Variants in NLRC4 observed in about 807,000 individuals in gnomAD.
The protein encoded by NLRC4 is NLR family CARD domain containing 4.
NLRC4 carries 63 observed loss-of-function variants against 79.9 expected under a neutral mutation model. That is an observed-to-expected ratio of 0.79 (90% CI 0.64 to 0.97). The LOEUF (loss-of-function observed/expected upper bound fraction) is 0.97, where lower values mean the gene tolerates loss of function less well. Among genes scored for constraint, NLRC4 ranks in the 50% least tolerant of loss-of-function variants. The pLI, the probability that NLRC4 is intolerant of heterozygous loss-of-function variation, is 0.00. For missense variants in NLRC4, 1,074 were observed against 1,215.2 expected (o/e 0.88, Z 1.73); for synonymous variants, 461 against 456.5 (o/e 1.01, Z -0.12).
intron 1 of NLRC4, among the ~76,000 whole-genome samples, chr2:32,260,498 A>G (rs1687318269): frequency 6.6e-6 from 1 of 152,190 alleles, no homozygotes; most frequent in Admixed American, 6.5e-5. Flanking sequence ...TGTGAGAGTG[A>G]TAAGTGAGGA....
At chr2:32,236,408 TA>T in intron 6 of NLRC4, 69 bp from the exon 7 acceptor site, 1 of 876,796 alleles carries the variant, frequency 1.1e-6, no homozygotes, top group Admixed American at 3.3e-5. Context: ...GAAGTATCCT[TA>T]GAATAATTCT....
intron 4 of NLRC4, among the ~76,000 whole-genome samples, chr2:32,247,523 AG>A (rs1381138237): frequency 4.0e-5 from 6 of 151,712 alleles, no homozygotes; most frequent in African/African-American, 1.4e-4. Context: ...CATGTTGGTC[AG>A]GCTGGTCTTG....
intron 8 of NLRC4, among the ~76,000 whole-genome samples, chr2:32,228,791 C>T (rs1490607873): frequency 2.7e-5 from 4 of 150,900 alleles, no homozygotes; most frequent in African/African-American, 9.8e-5. Flanking sequence ...TTTTTTGAGA[C>T]AGGTTCTGGC....
At chr2:32,258,924 G>C (rs973792139) in intron 1 of NLRC4, among the ~76,000 whole-genome samples, 3 of 152,142 alleles carry the variant, frequency 2.0e-5, no homozygotes, top group African/African-American at 7.2e-5. Context: ...AAGATGCAAA[G>C]TCTGAATTAA....
In NLRC4 at chr2:32,241,894, C is replaced by T. The variant is rs1458616522; in HGVS notation, c.2258-769G>A. The stretch of plus-strand genomic sequence containing the variant: ...GCTTACAGGGACATTTACAGTATTG[C>T]ATACTTATATTAGAAATGAGGAAAG... On this transcript the variant is annotated intron_variant, in intron 4 of 8. Coordinates refer to ENST00000402280, the MANE Select transcript of NLRC4 (RefSeq NM_001199138.2). 2.0e-5 allele frequency among the ~76,000 whole-genome samples: 3 copies of T among 152,048 alleles called. No homozygotes were observed. In the East Asian group the frequency reaches 5.8e-4, roughly 29 times the overall value.
intron 4 of NLRC4, among the ~76,000 whole-genome samples, chr2:32,247,662 C>CTATG (rs1686969266): frequency 6.6e-6 from 1 of 151,822 alleles, no homozygotes; most frequent in Non-Finnish European, 1.5e-5. Flanking sequence ...ATATATGTAT[C>CTATG]TATGTATGTA....
intron 8 of NLRC4, among the ~76,000 whole-genome samples, chr2:32,234,531 A>C (rs1686628083): frequency 6.6e-6 from 1 of 152,222 alleles, no homozygotes; most frequent in African/African-American, 2.4e-5. Context: ...TTCCAAGTTG[A>C]ACCTGATGAG....
chr2:32,250,574 A>G lies in NLRC4; in HGVS notation c.1290T>C (p.Tyr430=), dbSNP rs769791090. The G allele has an allele frequency of 1.2e-6, 2 of 1,614,166 alleles. No homozygotes were observed. Among genetic ancestry groups the G allele is most frequent in the Non-Finnish European group, 1.7e-6 (2 of 1,180,026 alleles). The stretch of plus-strand genomic sequence containing the variant: ...ACTTTGGCTTGAACCTTTGAGCTGT[A>G]TATTTACAGAGGAGCCCAGTTGTCA... ...VLLTTGLLCK[Y]TAQRFKPKYK... Residue 430 remains tyrosine (Y), a synonymous_variant, in exon 4 of 9, where the codon TAT becomes TAC. Transcript: ENST00000402280. The surrounding 1 kb of genome is among the most constrained non-coding windows in gnomAD (Gnocchi z 4.9).
rs1459385148 is a variant in NLRC4 at position 32,251,112 on chromosome 2, T to C, written c.752A>G (p.Asn251Ser). 2 of 1,614,200 alleles carry C rather than the reference T, an allele frequency of 1.2e-6. No individual in the cohort carries two copies. Among genetic ancestry groups the C allele is most frequent in the Non-Finnish European group, 1.7e-6 (2 of 1,180,034 alleles). The change falls in exon 4 of 9, where the codon AAT (asparagine) becomes AGT (serine). Residue 251 changes from asparagine to serine, a missense_variant. Transcript: ENST00000402280. ...TGGGCAGTTCTGGGGCTTGAATTCA[T>C]TGTAGCCATCAAGAAGGAAAAGAAC... ...QRVLFLLDGY[N>S]EFKPQNCPEI...
intron 4 of NLRC4, among the ~76,000 whole-genome samples, chr2:32,243,729 C>T (rs977131079): frequency 1.1e-4 from 16 of 147,644 alleles, no homozygotes; most frequent in Admixed American, 8.3e-4. Context: ...ACCCAGGAGG[C>T]GGCGGTTGCA....
chr2:32,244,111 G>A (rs1686873827), intron 4 of NLRC4, among the ~76,000 whole-genome samples: 1 of 152,104 alleles, frequency 6.6e-6, no homozygotes, highest in African/African-American at 2.4e-5. Context: ...TTAACCAGAT[G>A]TGATAGTTCA....
At chr2:32,256,557 T>G (rs527896239) in intron 2 of NLRC4, among the ~76,000 whole-genome samples, 1 of 152,368 alleles carries the variant, frequency 6.6e-6, no homozygotes, top group Non-Finnish European at 1.5e-5. Flanking sequence ...AACATACACC[T>G]GGTCACTCTT....
intron 8 of NLRC4, among the ~76,000 whole-genome samples, chr2:32,232,126 C>T (rs1378812505): frequency 3.9e-5 from 6 of 152,082 alleles, no homozygotes; most frequent in African/African-American, 7.2e-5. Context: ...GTACTATTTT[C>T]GTCATGTCAT....
chr2:32,224,826 T>C (rs1309776686), intron 8 of NLRC4, 61 bp from the exon 9 acceptor site: 1 of 931,352 alleles, frequency 1.1e-6, no homozygotes. Flanking sequence ...AAAAGAGAAA[T>C]AGGTTCTACA....
In NLRC4 at chr2:32,235,586, C is replaced by A. The variant is rs1686655126; in HGVS notation, c.2615-18G>T. 1 of 1,610,436 alleles carries A rather than the reference C, an allele frequency of 6.2e-7. No individual in the cohort carries two copies. ...CCTGTCGACTGGAAGAAACAAAGAG[C>A]AGTTCAGGGACTGGATGGTCTCAAA... On this transcript the variant is annotated intron_variant, in intron 7 of 8. Transcript: ENST00000402280.
At chr2:32,256,929 G>C (rs1159926195) in intron 1 of NLRC4, 36 bp from the exon 2 acceptor site, 1 of 592,700 alleles carries the variant, frequency 1.7e-6, no homozygotes, top group East Asian at 2.8e-5. Flanking sequence ...GAGACTATCA[G>C]GTGGAGGGGC....
chr2:32,264,160 G>A (rs975064311), intron 1 of NLRC4, among the ~76,000 whole-genome samples: 7 of 152,050 alleles, frequency 4.6e-5, no homozygotes, highest in African/African-American at 1.7e-4. Context: ...TCCTGGCCGG[G>A]CACGTTGGCT....
At chr2:32,264,888 G>C (rs1390804278), upstream of NLRC4, 1 of 152,124 alleles carries the variant, frequency 6.6e-6, no homozygotes, top group East Asian at 1.9e-4. Flanking sequence ...TGTACAGAGA[G>C]GGGAACTGCT....
chr2:32,233,331 ATATATATATATATATATATTT>A (rs1192226977), intron 8 of NLRC4, among the ~76,000 whole-genome samples: 1 of 39,278 alleles, frequency 2.5e-5, no homozygotes, highest in Admixed American at 2.8e-4. Context: ...ATATATATAT[ATATATATATATATATATATTT>A]TTTTTTTTTT....
Sources: allele counts gnomAD v4.1 joint callset (sites outside exome capture counted in the v4.1 genomes callset), GRCh38; gene constraint gnomAD v4.1.1; non-coding constraint Gnocchi (gnomAD v3.1); transcripts MANE v1.5; gene names NCBI Gene and HGNC (gene_info 2026-07-23, HGNC 2026-07-21).